Variants in SYNPO2 observed in about 807,000 individuals in gnomAD.
SYNPO2 encodes the protein synaptopodin 2.
Under a neutral mutation model 85.0 loss-of-function variants are expected in SYNPO2, and 56 were observed. The observed-to-expected ratio is 0.66, with a 90% confidence interval of 0.53 to 0.82. The LOEUF is 0.82. Among genes scored for constraint, SYNPO2 ranks in the 40% least tolerant of loss-of-function variants. The pLI, the probability that SYNPO2 is intolerant of heterozygous loss-of-function variation, is 0.00. For missense variants in SYNPO2, 1,575 were observed against 1,534.2 expected (o/e 1.03, Z -0.44); for synonymous variants, 602 against 591.1 (o/e 1.02, Z -0.27).
intron 4 of SYNPO2, 49 bp from the exon 5 acceptor site, chr4:119,057,352 A>G: frequency 6.6e-7 from 1 of 1,509,442 alleles, no homozygotes; most frequent in South Asian, 1.4e-5. Flanking sequence ...AGTAACAATC[A>G]GCACAAACCA....
intron 1 of SYNPO2, among the ~76,000 whole-genome samples, chr4:119,004,391 A>G (rs1736940568): frequency 7.8e-6 from 1 of 128,974 alleles, no homozygotes; most frequent in Admixed American, 7.9e-5. Flanking sequence ...CCCACCCCAC[A>G]ACAGTCCCCG....
intron 1 of SYNPO2, among the ~76,000 whole-genome samples, chr4:118,853,421 A>T (rs1032241128): frequency 9.9e-5 from 15 of 152,130 alleles, no homozygotes; most frequent in African/African-American, 3.4e-4. Context: ...TAAGCATTGC[A>T]ACAAAATGTC....
At chr4:118,851,196 T>A (rs1472908896) in intron 1 of SYNPO2, among the ~76,000 whole-genome samples, 5 of 152,222 alleles carry the variant, frequency 3.3e-5, no homozygotes, top group African/African-American at 1.2e-4. Context: ...CCCAGCATCA[T>A]GAAATTGAAT....
intron 1 of SYNPO2, among the ~76,000 whole-genome samples, chr4:118,909,527 C>T (rs1157848975): frequency 6.6e-6 from 1 of 152,216 alleles, no homozygotes; most frequent in Non-Finnish European, 1.5e-5. Context: ...CTAATTGTGC[C>T]AGAGTCCAGG....
At chr4:118,851,078 G>A (rs1731412555) in intron 1 of SYNPO2, 1 of 397,364 alleles carries the variant, frequency 2.5e-6, no homozygotes, top group Non-Finnish European at 4.4e-6. Flanking sequence ...TTCAAAAGGA[G>A]TTTTAAAATC....
At chr4:118,932,737 CA>C (rs1309344565) in intron 1 of SYNPO2, among the ~76,000 whole-genome samples, 5 of 152,098 alleles carry the variant, frequency 3.3e-5, no homozygotes, top group Non-Finnish European at 7.4e-5. Context: ...CTTAAATAAC[CA>C]TTGTTAATAA....
At chr4:118,902,736 G>A (rs187982295) in intron 1 of SYNPO2, among the ~76,000 whole-genome samples, 58 of 152,178 alleles carry the variant, frequency 3.8e-4, no homozygotes, top group African/African-American at 1.2e-3. Context: ...TATTCTCCCC[G>A]TGAGAGAAGA....
chr4:118,944,704 T>C (rs1448207508), intron 1 of SYNPO2, among the ~76,000 whole-genome samples: 1 of 152,228 alleles, frequency 6.6e-6, no homozygotes, highest in Non-Finnish European at 1.5e-5. Context: ...TTCAGTTCTC[T>C]TAGGAGAAAT....
chr4:118,856,263 T>G (rs978956543), intron 1 of SYNPO2, among the ~76,000 whole-genome samples: 1 of 152,222 alleles, frequency 6.6e-6, no homozygotes, highest in Non-Finnish European at 1.5e-5. Flanking sequence ...TGTTATCATC[T>G]AATAGGGTTA....
At chr4:118,992,353 A>G (rs1736448029) in intron 1 of SYNPO2, among the ~76,000 whole-genome samples, 1 of 152,148 alleles carries the variant, frequency 6.6e-6, no homozygotes, top group Non-Finnish European at 1.5e-5. Context: ...GATTCAAGGG[A>G]CAATCCTGAA....
At position 118,888,984 on chromosome 4, in the gene SYNPO2, C is replaced by G. The variant is rs1732274086; in HGVS notation, c.-53C>G. ...CTGAGTGCGCATCCTCTACCGCACC[C>G]AAGCTTCGTCTGTCTCGTCAAGCTC... is the stretch of plus-strand genomic sequence containing the variant. On this transcript the variant is annotated 5_prime_UTR_variant, in exon 1 of 5. Transcript: ENST00000307142. 5.7e-6 allele frequency: 9 copies of G among 1,584,568 alleles called. No homozygotes were observed. The East Asian group carries it at 1.8e-4, about 32-fold the overall frequency.
chr4:118,869,830 G>A (rs755012182), intron 1 of SYNPO2, among the ~76,000 whole-genome samples: 3 of 152,246 alleles, frequency 2.0e-5, no homozygotes, highest in Middle Eastern at 6.8e-3. Flanking sequence ...TCTCAGCCAC[G>A]GTTACCTTGC....
chr4:119,026,773 C>T lies in SYNPO2; in HGVS notation c.404C>T (p.Pro135Leu), dbSNP rs746441698. 6.2e-6 allele frequency: 10 copies of T among 1,613,680 alleles called. No homozygotes were observed. In the African/African-American group the frequency reaches 1.3e-4, roughly 22 times the overall value. Residue 135 changes from proline (P) to leucine (L), a missense_variant, in exon 3 of 5, where the codon CCT becomes CTT. Around this residue, in one of 3 missense-constraint regions of SYNPO2, gnomAD observed 1,508 missense variants for 1,446.8 expected, o/e 1.04. Transcript: ENST00000307142. ...CAGTGCACAGAATTCTTCCTCGCCCCTGTCAAGACTGAAGTTCCCCTAGCT... is the reference window on the plus strand; with the variant it reads ...CAGTGCACAGAATTCTTCCTCGCCCTTGTCAAGACTGAAGTTCCCCTAGCT... ...KTQCTEFFLA[P>L]VKTEVPLAEN...
intron 1 of SYNPO2, among the ~76,000 whole-genome samples, chr4:118,921,250 A>C (rs1381811263): frequency 2.0e-5 from 3 of 152,112 alleles, no homozygotes; most frequent in African/African-American, 7.2e-5. Flanking sequence ...GGTATTCTGT[A>C]GGATTTCATG....
intron 1 of SYNPO2, among the ~76,000 whole-genome samples, chr4:118,977,507 G>C (rs1478121414): frequency 1.3e-5 from 2 of 152,230 alleles, no homozygotes; most frequent in Non-Finnish European, 2.9e-5. Flanking sequence ...ACAGTGCAGG[G>C]GACTGAAGGG....
chr4:119,015,531 G>C (rs959201235), intron 1 of SYNPO2, among the ~76,000 whole-genome samples: 1 of 152,062 alleles, frequency 6.6e-6, no homozygotes, highest in Non-Finnish European at 1.5e-5. Context: ...AGAAAAAAAA[G>C]CAATACAAGC....
At chr4:118,878,057 C>T (rs1370323594) in intron 1 of SYNPO2, among the ~76,000 whole-genome samples, 1 of 152,156 alleles carries the variant, frequency 6.6e-6, no homozygotes, top group African/African-American at 2.4e-5. Context: ...TCGTTTGCAG[C>T]AACATGGATG....
intron 1 of SYNPO2, among the ~76,000 whole-genome samples, chr4:118,942,639 T>C (rs1208561673): frequency 6.6e-6 from 1 of 152,210 alleles, no homozygotes; most frequent in Non-Finnish European, 1.5e-5. Context: ...TCTACATCCC[T>C]GTGTCAGCCA....
intron 1 of SYNPO2, among the ~76,000 whole-genome samples, chr4:118,968,758 C>A (rs899273252): frequency 3.9e-5 from 6 of 152,106 alleles, no homozygotes; most frequent in Non-Finnish European, 8.8e-5. Flanking sequence ...TTTAAAATTT[C>A]AAATGAATGG....
Sources: gnomAD v4.1 joint callset for allele counts (sites outside exome capture counted in the v4.1 genomes callset) on GRCh38, gnomAD v4.1.1 for gene constraint, gnomAD v4.1.1 regional missense constraint, MANE v1.5 for transcripts, NCBI Gene and HGNC (gene_info 2026-07-23, HGNC 2026-07-21) for gene names.